Variants in SUGCT observed in about 807,000 individuals in gnomAD.
SUGCT encodes succinyl-CoA:glutarate-CoA transferase.
A neutral mutation model predicts 55.0 loss-of-function variants in SUGCT; 41 were observed. The ratio of observed to expected loss-of-function variants is 0.74; its 90% confidence interval spans 0.58 to 0.97. SUGCT has a LOEUF of 0.97. Ranked by LOEUF, SUGCT falls within the 50% of genes least tolerant of loss-of-function variation. The pLI is 0.00. For missense variants in SUGCT, 568 were observed against 547.8 expected (o/e 1.04, Z -0.37); for synonymous variants, 187 against 200.4 (o/e 0.93, Z 0.56).
chr7:40,552,218 T>C (rs1795336063), intron 12 of SUGCT, among the ~76,000 whole-genome samples: 1 of 152,192 alleles, frequency 6.6e-6, no homozygotes, highest in South Asian at 2.1e-4. Flanking sequence ...GAATTTCATA[T>C]GGAGAGAATT....
chr7:40,726,431 G>C (rs540004841), intron 12 of SUGCT, among the ~76,000 whole-genome samples: 8 of 152,000 alleles, frequency 5.3e-5, no homozygotes, highest in African/African-American at 1.2e-4. Flanking sequence ...ATAGGCTGAG[G>C]GGGGAGCAGA....
Position 40,496,278 on chromosome 7 carries a change from T to A in SUGCT, c.987-6T>A, listed in dbSNP as rs1177712971. ...GTAAAAAATTTATCCTTGTTTGTCTTCTTAGGTTTGAAGAAGAACTGACCA... is the reference window on the plus strand; with the variant it reads ...GTAAAAAATTTATCCTTGTTTGTCTACTTAGGTTTGAAGAAGAACTGACCA... On this transcript the variant is annotated splice_region_variant and splice_polypyrimidine_tract_variant and intron_variant, in intron 11 of 13. Coordinates refer to ENST00000335693, the MANE Select transcript of SUGCT (RefSeq NM_001193313.2). 5.0e-6 allele frequency: 8 copies of A among 1,604,038 alleles called. No individual in the cohort carries two copies. The highest frequency in any genetic ancestry group is 6.8e-6 in the Non-Finnish European group (8 of 1,173,020).
the SUGCT span, among the ~76,000 whole-genome samples, chr7:40,896,645 C>T: frequency 6.6e-6 from 1 of 152,166 alleles, no homozygotes; most frequent in Admixed American, 6.5e-5. Context: ...ATTTGCTTCC[C>T]CTTCCACCAT....
the SUGCT span, among the ~76,000 whole-genome samples, chr7:40,946,096 T>A: frequency 4.2e-5 from 6 of 143,932 alleles, no homozygotes; most frequent in Admixed American, 2.2e-4. Context: ...ATATCTGAGG[T>A]CACATACAAG....
chr7:41,028,116 G>C, the SUGCT span, among the ~76,000 whole-genome samples: 1 of 152,234 alleles, frequency 6.6e-6, no homozygotes, highest in Non-Finnish European at 1.5e-5. Flanking sequence ...CAGGCAGGCA[G>C]GTATTGAGGC....
chr7:40,772,543 TA>T (rs1789189725), intron 13 of SUGCT, among the ~76,000 whole-genome samples: 1 of 150,208 alleles, frequency 6.7e-6, no homozygotes, highest in South Asian at 2.1e-4. Context: ...TCTATCTATC[TA>T]TCTATCTATC....
At chr7:40,798,112 A>G (rs1032878060) in intron 13 of SUGCT, among the ~76,000 whole-genome samples, 7 of 152,162 alleles carry the variant, frequency 4.6e-5, no homozygotes, top group African/African-American at 1.4e-4. Context: ...AGATTCTCCA[A>G]CCTTCCTTAC....
At chr7:40,249,493 C>T (rs967321469) in intron 7 of SUGCT, among the ~76,000 whole-genome samples, 1 of 148,250 alleles carries the variant, frequency 6.7e-6, no homozygotes, top group Admixed American at 6.9e-5. Context: ...AAGAACTTCA[C>T]GCTTAATAAA....
At chr7:40,619,565 T>C (rs538450733) in intron 12 of SUGCT, among the ~76,000 whole-genome samples, 78 of 152,338 alleles carry the variant, frequency 5.1e-4, no homozygotes, top group African/African-American at 1.9e-3. Context: ...ATGCATGGCC[T>C]TTCCATCAGC....
intron 9 of SUGCT, among the ~76,000 whole-genome samples, chr7:40,371,227 C>G (rs1784282364): frequency 6.6e-6 from 1 of 151,930 alleles, no homozygotes; most frequent in South Asian, 2.1e-4. Flanking sequence ...GTATAAGTAC[C>G]CAGATTGGTT....
At chr7:40,741,152 C>A (rs956311588) in intron 12 of SUGCT, among the ~76,000 whole-genome samples, 2 of 151,856 alleles carry the variant, frequency 1.3e-5, no homozygotes, top group Admixed American at 6.6e-5. Context: ...GTGGCACAGG[C>A]CTGTAATCCC....
At chr7:40,425,543 C>G (rs943377807) in intron 9 of SUGCT, among the ~76,000 whole-genome samples, 4 of 152,094 alleles carry the variant, frequency 2.6e-5, no homozygotes, top group African/African-American at 9.7e-5. Flanking sequence ...AAATGAAAAC[C>G]TGTTTCAGAC....
chr7:40,806,395 T>C (rs891746942), intron 13 of SUGCT, among the ~76,000 whole-genome samples: 2 of 152,190 alleles, frequency 1.3e-5, no homozygotes, highest in African/African-American at 2.4e-5. Flanking sequence ...TTTTTGAACA[T>C]TGAGATTCAA....
chr7:40,784,413 T>G (rs1346387079), intron 13 of SUGCT, among the ~76,000 whole-genome samples: 2 of 152,188 alleles, frequency 1.3e-5, no homozygotes, highest in African/African-American at 4.8e-5. Flanking sequence ...CATCCTCTTC[T>G]CATAGCGACT....
chr7:40,975,913 A>G, the SUGCT span, among the ~76,000 whole-genome samples: 14 of 152,214 alleles, frequency 9.2e-5, no homozygotes, highest in African/African-American at 1.4e-4. Flanking sequence ...AGAGTTCAGC[A>G]AAAAGTGTTA....
chr7:40,384,233 G>A (rs1192878449), intron 9 of SUGCT, among the ~76,000 whole-genome samples: 1 of 152,150 alleles, frequency 6.6e-6, no homozygotes, highest in Non-Finnish European at 1.5e-5. Flanking sequence ...GATAAAGAAA[G>A]GTTGAATGTG....
intron 9 of SUGCT, among the ~76,000 whole-genome samples, chr7:40,375,336 T>C (rs775841001): frequency 6.6e-6 from 1 of 152,194 alleles, no homozygotes; most frequent in Non-Finnish European, 1.5e-5. Context: ...TTGTGAGCCA[T>C]CTAATTAAGG....
chr7:40,730,037 G>A (rs1231435938), intron 12 of SUGCT, among the ~76,000 whole-genome samples: 1 of 152,180 alleles, frequency 6.6e-6, no homozygotes, highest in Non-Finnish European at 1.5e-5. Flanking sequence ...CTAATACAGA[G>A]GGTCCAGGGA....
the SUGCT span, among the ~76,000 whole-genome samples, chr7:41,012,499 G>C: frequency 6.6e-6 from 1 of 152,194 alleles, no homozygotes; most frequent in Admixed American, 6.5e-5. Context: ...CATGATCAAA[G>C]AGACTATGTT....
Sources: allele counts gnomAD v4.1 joint callset (sites outside exome capture counted in the v4.1 genomes callset), GRCh38; gene constraint gnomAD v4.1.1; transcripts MANE v1.5; gene names NCBI Gene and HGNC (gene_info 2026-07-23, HGNC 2026-07-21).